Variants in ADCY1 observed in about 807,000 individuals in gnomAD.
ADCY1 encodes the protein adenylate cyclase type 1.
ADCY1 carries 28 observed loss-of-function variants against 105.4 expected under a neutral mutation model. The observed-to-expected ratio is 0.27, with a 90% CI of 0.20 to 0.36. The LOEUF is 0.36. Among genes scored for constraint, ADCY1 ranks in the 10% least tolerant of loss-of-function variants. The pLI is 1.00. For missense variants in ADCY1, 977 were observed against 1,434.2 expected (o/e 0.68, Z 5.15); for synonymous variants, 655 against 623.8 (o/e 1.05, Z -0.75).
intron 8 of ADCY1, 138 bp from the exon 9 acceptor site, chr7:45,677,731 A>G: frequency 1.1e-6 from 1 of 883,660 alleles, no homozygotes. Context: ...CCAGCAGGGC[A>G]GAGTCATGAT....
intron 14 of ADCY1, among the ~76,000 whole-genome samples, chr7:45,694,135 A>G (rs1292512369): frequency 3.5e-5 from 5 of 142,130 alleles, no homozygotes; most frequent in African/African-American, 1.3e-4. Context: ...AAAAAAAAAA[A>G]AACACTGTCA....
At chr7:45,661,841 A>G (rs1795115312) in intron 7 of ADCY1, among the ~76,000 whole-genome samples, 1 of 152,066 alleles carries the variant, frequency 6.6e-6, no homozygotes, top group South Asian at 2.1e-4. Flanking sequence ...TTTGGTGCGG[A>G]TTGAGAATGG....
At chr7:45,613,010 G>T (rs543026568) in intron 3 of ADCY1, among the ~76,000 whole-genome samples, 8 of 152,284 alleles carry the variant, frequency 5.3e-5, no homozygotes, top group African/African-American at 1.7e-4. Flanking sequence ...ATTGGGAGAG[G>T]TACCTGCTTT....
At chr7:45,702,605 G>A (rs1381572261) in intron 14 of ADCY1, among the ~76,000 whole-genome samples, 3 of 152,218 alleles carry the variant, frequency 2.0e-5, no homozygotes, top group African/African-American at 7.2e-5. Context: ...CTGCCTCCTA[G>A]GGCTGTGCTG....
At chr7:45,657,187 A>G (rs1794964988) in intron 5 of ADCY1, among the ~76,000 whole-genome samples, 1 of 152,226 alleles carries the variant, frequency 6.6e-6, no homozygotes, top group East Asian at 1.9e-4. Context: ...CTTGACCATA[A>G]GTTTGCATTG....
rs571964365 is a variant in ADCY1, at chr7:45,692,704, C to A, written c.2454+6031C>A. The stretch of plus-strand genomic sequence containing the variant: ...GTCCTCACCGCCCCCATCCCAGACA[C>A]ACACAAATGGTAACTGCAGATGGTG... On this transcript the variant is annotated intron_variant, in intron 14 of 19. Coordinates refer to ENST00000297323, the MANE Select transcript of ADCY1 (RefSeq NM_021116.4). 1.6e-4 allele frequency among the ~76,000 whole-genome samples: 25 copies of A among 152,318 alleles called. 1 individual carries two copies. The South Asian group carries it at 5.2e-3, about 32-fold the overall frequency.
At chr7:45,631,155 A>T (rs1794238239) in intron 4 of ADCY1, among the ~76,000 whole-genome samples, 1 of 152,194 alleles carries the variant, frequency 6.6e-6, no homozygotes, top group South Asian at 2.1e-4. Context: ...TGTTGTTAAA[A>T]CTATGCAGGT....
chr7:45,592,115 G>C (rs1792935500), intron 1 of ADCY1, among the ~76,000 whole-genome samples: 1 of 147,522 alleles, frequency 6.8e-6, no homozygotes, highest in Non-Finnish European at 1.5e-5. Context: ...TGCAGGCTTT[G>C]TGGGAACAGC....
chr7:45,692,693 C>T (rs1016905771), intron 14 of ADCY1, among the ~76,000 whole-genome samples: 8 of 152,198 alleles, frequency 5.3e-5, no homozygotes, highest in South Asian at 2.1e-4. Context: ...TCACCGCCCC[C>T]ATCCCAGACA....
intron 4 of ADCY1, among the ~76,000 whole-genome samples, chr7:45,644,073 A>C (rs1026283357): frequency 5.9e-5 from 9 of 152,200 alleles, no homozygotes; most frequent in Non-Finnish European, 7.3e-5. Flanking sequence ...TACAAAGTTA[A>C]TTGGACTTGG....
chr7:45,645,460 T>C (rs2116045201), intron 4 of ADCY1, among the ~76,000 whole-genome samples: 1 of 152,284 alleles, frequency 6.6e-6, no homozygotes, highest in Non-Finnish European at 1.5e-5. Flanking sequence ...TTGGAGCAGC[T>C]GTACTGACAG....
At chr7:45,642,852 C>A (rs1210199153) in intron 4 of ADCY1, among the ~76,000 whole-genome samples, 1 of 152,082 alleles carries the variant, frequency 6.6e-6, no homozygotes, top group Admixed American at 6.6e-5. Flanking sequence ...GTTTTTAATT[C>A]CCTAATTTCT....
Position 45,615,031 on chromosome 7 carries a change from A to T in ADCY1, c.908+4534A>T, listed in dbSNP as rs77354623. The stretch of plus-strand genomic sequence containing the variant: ...TAACACTATAGACTAAATAGACCTA[A>T]CAGACATATAGCGGACATTACAAAA... On this transcript the variant is annotated intron_variant, in intron 3 of 19. Transcript: ENST00000297323. Among the ~76,000 whole-genome samples the T allele has an allele frequency of 7.0e-4, 106 of 152,346 alleles. 1 individual carries two copies. The East Asian group carries it at 0.019, about 27-fold the overall frequency.
chr7:45,642,678 C>T (rs931604420), intron 4 of ADCY1, among the ~76,000 whole-genome samples: 2 of 152,150 alleles, frequency 1.3e-5, no homozygotes, highest in African/African-American at 4.8e-5. Context: ...CAGGCAGGTG[C>T]TGGCTCCTTT....
At chr7:45,582,776 C>T (rs11769970) in intron 1 of ADCY1, among the ~76,000 whole-genome samples, 29,633 of 152,154 alleles carry the variant, frequency 0.19, 3,670 homozygotes, top group Non-Finnish European at 0.27. Flanking sequence ...TCCTCCTACC[C>T]CATGTGTGTT....
intron 17 of ADCY1, among the ~76,000 whole-genome samples, chr7:45,705,508 A>T (rs975361645): frequency 6.6e-6 from 1 of 152,254 alleles, no homozygotes; most frequent in Admixed American, 6.5e-5. Flanking sequence ...AAAATTATTT[A>T]AGTCTAACAC....
intron 10 of ADCY1, among the ~76,000 whole-genome samples, chr7:45,678,808 G>A (rs928385065): frequency 6.6e-6 from 1 of 151,810 alleles, no homozygotes. Context: ...GATCCCTTGA[G>A]CTCAGGAGTC....
intron 4 of ADCY1, 46 bp downstream of exon 4, chr7:45,622,789 C>T: frequency 6.7e-7 from 1 of 1,488,638 alleles, no homozygotes; most frequent in Non-Finnish European, 9.2e-7. Flanking sequence ...AGAATTGCTT[C>T]TGGAGTGACG....
intron 14 of ADCY1, among the ~76,000 whole-genome samples, chr7:45,687,217 T>C (rs911001637): frequency 2.0e-5 from 3 of 152,184 alleles, no homozygotes; most frequent in Admixed American, 6.5e-5. Context: ...AGCAAACATG[T>C]GAACTGGCTT....
Sources: allele counts gnomAD v4.1 joint callset (sites outside exome capture counted in the v4.1 genomes callset), GRCh38; gene constraint gnomAD v4.1.1; transcripts MANE v1.5; gene names NCBI Gene and HGNC (gene_info 2026-07-23, HGNC 2026-07-21).